Variants in KCNH1 observed in about 807,000 individuals in gnomAD.
KCNH1 encodes the protein voltage-gated delayed rectifier potassium channel KCNH1.
A neutral mutation model predicts 69.2 loss-of-function variants in KCNH1; 27 were observed. That is an observed-to-expected ratio of 0.39 (90% confidence interval 0.29 to 0.54). The LOEUF (loss-of-function observed/expected upper bound fraction) is 0.54. Among genes scored for constraint, KCNH1 ranks in the 20% least tolerant of loss-of-function variants. The pLI, the probability that KCNH1 is intolerant of heterozygous loss-of-function variation, is 0.68. For missense variants in KCNH1, 798 were observed against 1,261.6 expected (o/e 0.63, Z 5.57); for synonymous variants, 456 against 487.7 (o/e 0.93, Z 0.86).
intron 7 of KCNH1, among the ~76,000 whole-genome samples, chr1:210,916,091 T>C (rs553823051): frequency 6.6e-6 from 1 of 152,198 alleles, no homozygotes; most frequent in South Asian, 2.1e-4. Context: ...ATGCTCCCCA[T>C]TACTGTTGAT....
intron 10 of KCNH1, among the ~76,000 whole-genome samples, chr1:210,765,505 C>G (rs979038905): frequency 2.0e-5 from 3 of 152,200 alleles, no homozygotes; most frequent in African/African-American, 7.2e-5. Flanking sequence ...AATTATTTAA[C>G]CTATCTTGGC....
chr1:210,767,408 T>C (rs549212969), intron 10 of KCNH1, among the ~76,000 whole-genome samples: 3 of 152,174 alleles, frequency 2.0e-5, no homozygotes, highest in African/African-American at 7.2e-5. Context: ...AGTGATTCCC[T>C]GTGCTAGAGT....
chr1:210,916,861 A>G (rs1687342561), intron 7 of KCNH1, among the ~76,000 whole-genome samples: 1 of 152,058 alleles, frequency 6.6e-6, no homozygotes, highest in Non-Finnish European at 1.5e-5. Context: ...TTAAAAAAAG[A>G]AATGGGCTGG....
intron 5 of KCNH1, among the ~76,000 whole-genome samples, chr1:211,066,197 G>A (rs1690527278): frequency 6.6e-6 from 1 of 152,110 alleles, no homozygotes; most frequent in Non-Finnish European, 1.5e-5. Context: ...TTTAAAGTCT[G>A]ATTTTTAAAA....
intron 3 of KCNH1, among the ~76,000 whole-genome samples, chr1:211,094,389 G>C (rs1236602168): frequency 6.6e-6 from 1 of 152,200 alleles, no homozygotes; most frequent in Non-Finnish European, 1.5e-5. Context: ...TGTGGCCTGG[G>C]AGCTAGGGAC....
chr1:210,860,861 C>T lies in KCNH1; in HGVS notation c.1463-56695G>A, dbSNP rs1446838036. 4.3e-6 allele frequency: 4 copies of T among 923,822 alleles called. No homozygotes were observed. In the East Asian group the frequency reaches 7.2e-5, roughly 17 times the overall value. The allele number at this position is 923,822 out of a possible 1,614,324, so 57.2% of individuals were successfully genotyped here. A position where few individuals can be genotyped will look rare whatever the true frequency, so the allele number is the denominator to read the frequency against. Reference sequence around the variant, plus strand: ...TAGTGAAGTACTCAGCAAGCCCTTGCTCTCATGTAGCCTAGTTCACTGCTG... The same window carrying T: ...TAGTGAAGTACTCAGCAAGCCCTTGTTCTCATGTAGCCTAGTTCACTGCTG... On this transcript the variant is annotated intron_variant, in intron 7 of 10. Transcript: ENST00000271751.
chr1:210,705,337 A>T (rs1398208590), intron 10 of KCNH1, among the ~76,000 whole-genome samples: 1 of 152,198 alleles, frequency 6.6e-6, no homozygotes, highest in Non-Finnish European at 1.5e-5. Context: ...AGGCCTCACA[A>T]GTCTCTCCTC....
intron 5 of KCNH1, among the ~76,000 whole-genome samples, chr1:211,026,877 A>C (rs907416989): frequency 2.6e-5 from 4 of 152,184 alleles, no homozygotes; most frequent in Non-Finnish European, 5.9e-5. Context: ...AACAAGGAGA[A>C]GCACCCCACT....
intron 7 of KCNH1, among the ~76,000 whole-genome samples, chr1:210,875,082 C>A (rs1195671178): frequency 6.6e-6 from 1 of 152,248 alleles, no homozygotes; most frequent in East Asian, 1.9e-4. Context: ...CAATGTAATT[C>A]ACCACATTAA....
At chr1:210,841,600 G>C (rs781027067) in intron 7 of KCNH1, among the ~76,000 whole-genome samples, 1 of 152,034 alleles carries the variant, frequency 6.6e-6, no homozygotes, top group East Asian at 1.9e-4. Flanking sequence ...ATAGGACTTG[G>C]GACATGGGAA....
chr1:210,925,504 G>C (rs1687554956), intron 6 of KCNH1, among the ~76,000 whole-genome samples: 1 of 152,222 alleles, frequency 6.6e-6, no homozygotes, highest in Non-Finnish European at 1.5e-5. Flanking sequence ...CCTGCTGCCT[G>C]GAAATAGACT....
At chr1:210,740,081 C>T (rs1019564356) in intron 10 of KCNH1, among the ~76,000 whole-genome samples, 13 of 152,214 alleles carry the variant, frequency 8.5e-5, no homozygotes, top group African/African-American at 3.1e-4. Flanking sequence ...GATAGTAAAC[C>T]TTCCTGGAAA....
chr1:211,077,963 C>T (rs576176936), intron 5 of KCNH1, among the ~76,000 whole-genome samples: 1 of 151,390 alleles, frequency 6.6e-6, no homozygotes, highest in African/African-American at 2.4e-5. Context: ...AGCAGGGTTG[C>T]AATCCTAGTC....
chr1:210,915,737 T>C (rs535579016), intron 7 of KCNH1, among the ~76,000 whole-genome samples: 4 of 152,224 alleles, frequency 2.6e-5, no homozygotes, highest in Non-Finnish European at 5.9e-5. Flanking sequence ...AAAACAGGTA[T>C]GCTAGCTTGA....
At chr1:211,014,308 C>T (rs946859642) in intron 6 of KCNH1, among the ~76,000 whole-genome samples, 1 of 152,210 alleles carries the variant, frequency 6.6e-6, no homozygotes, top group African/African-American at 2.4e-5. Flanking sequence ...TTAGCTTCTG[C>T]TTTGACATAC....
intron 5 of KCNH1, among the ~76,000 whole-genome samples, chr1:211,078,423 A>G (rs955569606): frequency 5.3e-5 from 8 of 152,264 alleles, no homozygotes; most frequent in African/African-American, 1.7e-4. Flanking sequence ...TCTGTCCCTT[A>G]GATCACAGTG....
intron 7 of KCNH1, among the ~76,000 whole-genome samples, chr1:210,902,918 G>A (rs576327763): frequency 6.6e-6 from 1 of 152,196 alleles, no homozygotes; most frequent in African/African-American, 2.4e-5. Context: ...TAAAGTCCTG[G>A]ATACCTCCTC....
intron 7 of KCNH1, among the ~76,000 whole-genome samples, chr1:210,886,314 G>A (rs1391776168): frequency 3.3e-5 from 5 of 152,156 alleles, no homozygotes; most frequent in Non-Finnish European, 5.9e-5. Flanking sequence ...CTGATTGATA[G>A]AAGGAAAACT....
At chr1:210,834,864 T>C (rs2102444715) in intron 7 of KCNH1, among the ~76,000 whole-genome samples, 1 of 152,194 alleles carries the variant, frequency 6.6e-6, no homozygotes, top group South Asian at 2.1e-4. Flanking sequence ...CAAATGCAGA[T>C]TCTGATGGTG....
Sources: allele counts gnomAD v4.1 joint callset (sites outside exome capture counted in the v4.1 genomes callset), GRCh38; gene constraint gnomAD v4.1.1; transcripts MANE v1.5; gene names NCBI Gene and HGNC (gene_info 2026-07-23, HGNC 2026-07-21).